GABRG3: variants seen among roughly 807,000 people sequenced by gnomAD.
The protein encoded by GABRG3 is gamma-aminobutyric acid type A receptor subunit gamma3, also known as gamma-aminobutyric acid receptor subunit gamma-3.
A neutral mutation model predicts 48.8 loss-of-function variants in GABRG3; 25 were observed. That is an observed-to-expected ratio of 0.51 (90% CI 0.37 to 0.72). GABRG3 has a LOEUF of 0.72. GABRG3 is among the 30% of genes least tolerant of loss of function. The probability of loss-of-function intolerance (pLI) is 0.00; values close to 1 mark genes in which losing one functional copy is unlikely to be tolerated. For synonymous variants in GABRG3, 227 were observed against 217.6 expected, an observed-to-expected ratio of 1.04 and a Z score of -0.38; for missense variants, 394 against 577.9, an observed-to-expected ratio of 0.68 and a Z score of 3.26.
chr15:27,245,465 G>A (rs1006492066), intron 3 of GABRG3, among the ~76,000 whole-genome samples: 1 of 152,142 alleles, frequency 6.6e-6, no homozygotes, highest in Non-Finnish European at 1.5e-5. Flanking sequence ...GAATCATTTA[G>A]CTAAAAATTA....
At chr15:27,167,135 CTG>C (rs1887401745) in intron 3 of GABRG3, among the ~76,000 whole-genome samples, 1 of 152,212 alleles carries the variant, frequency 6.6e-6, no homozygotes, top group Non-Finnish European at 1.5e-5. Flanking sequence ...AGCTTAGTCT[CTG>C]TGCTTTGTGC....
intron 5 of GABRG3, among the ~76,000 whole-genome samples, chr15:27,386,066 A>C: frequency 6.6e-6 from 1 of 152,142 alleles, no homozygotes; most frequent in East Asian, 1.9e-4. Flanking sequence ...TGCCTTGACT[A>C]AGTCTGTGGC....
At chr15:27,391,263 G>A (rs1887121410) in intron 5 of GABRG3, among the ~76,000 whole-genome samples, 1 of 152,168 alleles carries the variant, frequency 6.6e-6, no homozygotes, top group Admixed American at 6.5e-5. Context: ...GCTGTTACAG[G>A]AAATGAGTTT....
At chr15:27,518,195 CAAAAAAA>C (rs58222645) in intron 6 of GABRG3, among the ~76,000 whole-genome samples, 40 of 88,028 alleles carry the variant, frequency 4.5e-4, no homozygotes, top group African/African-American at 1.5e-3. Flanking sequence ...ACTAAAAATA[CAAAAAAA>C]AAAAAAAAAA....
intron 3 of GABRG3, among the ~76,000 whole-genome samples, chr15:27,047,382 A>G (rs1309000663): frequency 6.6e-6 from 1 of 152,208 alleles, no homozygotes; most frequent in East Asian, 1.9e-4. Flanking sequence ...ATTCATGGGC[A>G]CTGACTATCA....
chr15:27,449,587 TCAGA>T (rs1889048347), intron 5 of GABRG3, among the ~76,000 whole-genome samples: 1 of 152,180 alleles, frequency 6.6e-6, no homozygotes, highest in African/African-American at 2.4e-5. Context: ...CCAAGGTGAG[TCAGA>T]CAATCTGGTT....
chr15:27,391,828 C>T (rs114646155), intron 5 of GABRG3, among the ~76,000 whole-genome samples: 18 of 152,298 alleles, frequency 1.2e-4, no homozygotes, highest in African/African-American at 4.3e-4. Context: ...AACCCATTCT[C>T]TTGGCAGTGT....
intron 3 of GABRG3, among the ~76,000 whole-genome samples, chr15:27,256,126 C>T (rs1436112059): frequency 6.6e-6 from 1 of 152,062 alleles, no homozygotes; most frequent in Non-Finnish European, 1.5e-5. Context: ...GCAAGAGGGT[C>T]AGAGTAGATG....
intron 3 of GABRG3, among the ~76,000 whole-genome samples, chr15:27,192,512 C>G (rs190259448): frequency 6.6e-6 from 1 of 152,154 alleles, no homozygotes; most frequent in Non-Finnish European, 1.5e-5. Flanking sequence ...TCCAGTTGAT[C>G]GCATTGGCTC....
rs371686772 is a variant in GABRG3, at chr15:27,166,993, G to A, written c.270+140172G>A. On this transcript the variant is annotated intron_variant, in intron 3 of 9. Transcript: ENST00000615808. ...CCTGGGTTTAACTCTCCTGCTCAGT[G>A]TGACCTGCACTAATTTTGCTCAGCT... Among the ~76,000 whole-genome samples the A allele has an allele frequency of 9.8e-4, 149 of 152,302 alleles. 1 individual carries two copies. The highest frequency in any genetic ancestry group is 3.5e-3 in the African/African-American group (145 of 41,566).
At chr15:27,264,648 C>T (rs1194956543) in intron 3 of GABRG3, among the ~76,000 whole-genome samples, 1 of 151,074 alleles carries the variant, frequency 6.6e-6, no homozygotes, top group Non-Finnish European at 1.5e-5. Context: ...ATACTCCTAA[C>T]TACTAAAACT....
chr15:27,154,795 T>G (rs1898387671), intron 3 of GABRG3, among the ~76,000 whole-genome samples: 2 of 152,186 alleles, frequency 1.3e-5, no homozygotes, highest in Admixed American at 1.3e-4. Context: ...TATACTTTTT[T>G]TTGTCCTTGT....
chr15:27,146,258 G>T (rs1370738775), intron 3 of GABRG3, among the ~76,000 whole-genome samples: 1 of 152,118 alleles, frequency 6.6e-6, no homozygotes, highest in African/African-American at 2.4e-5. Flanking sequence ...ATTGAGACCA[G>T]CCTGGCTAAC....
chr15:27,383,337 T>G (rs999995898), intron 5 of GABRG3, among the ~76,000 whole-genome samples: 2 of 152,226 alleles, frequency 1.3e-5, no homozygotes, highest in African/African-American at 4.8e-5. Flanking sequence ...TTGAATCTAG[T>G]TCACCAAATA....
chr15:27,167,120 C>T (rs1044735338), intron 3 of GABRG3, among the ~76,000 whole-genome samples: 1 of 152,152 alleles, frequency 6.6e-6, no homozygotes, highest in East Asian at 1.9e-4. Context: ...CTACTGCACA[C>T]CGAAAGCTTA....
chr15:27,525,414 G>C (rs2150864119), intron 7 of GABRG3, among the ~76,000 whole-genome samples: 1 of 152,266 alleles, frequency 6.6e-6, no homozygotes, highest in East Asian at 1.9e-4. Flanking sequence ...CAAAGAGGAA[G>C]TCATGCCAAC....
At chr15:27,017,479 C>G (rs1216370560) in intron 2 of GABRG3, among the ~76,000 whole-genome samples, 1 of 152,144 alleles carries the variant, frequency 6.6e-6, no homozygotes, top group Non-Finnish European at 1.5e-5. Flanking sequence ...TGTTCATTGC[C>G]TCTGTTGTGA....
At chr15:27,412,710 C>G (rs1887834056) in intron 5 of GABRG3, among the ~76,000 whole-genome samples, 1 of 152,070 alleles carries the variant, frequency 6.6e-6, no homozygotes, top group Admixed American at 6.5e-5. Context: ...GCAAAGCCAC[C>G]CTGCAGGGTT....
At chr15:27,134,562 C>T (rs568294624) in intron 3 of GABRG3, among the ~76,000 whole-genome samples, 33 of 152,172 alleles carry the variant, frequency 2.2e-4, no homozygotes, top group Non-Finnish European at 3.7e-4. Context: ...CTGTGGTCAC[C>T]ACACTGGGCT....
Sources: gnomAD v4.1 joint callset for allele counts (sites outside exome capture counted in the v4.1 genomes callset) on GRCh38, gnomAD v4.1.1 for gene constraint, MANE v1.5 for transcripts, NCBI Gene and HGNC (gene_info 2026-07-23, HGNC 2026-07-21) for gene names.